Variants in ESCO1 observed in about 807,000 individuals in gnomAD.
ESCO1 encodes N-acetyltransferase ESCO1.
Under a neutral mutation model 83.5 loss-of-function variants are expected in ESCO1, and 33 were observed. That is an observed-to-expected ratio of 0.40 (90% CI 0.30 to 0.53). The LOEUF (loss-of-function observed/expected upper bound fraction) is 0.53, where lower values mean the gene tolerates loss of function less well. ESCO1 is among the 20% of genes least tolerant of loss of function. ESCO1 has a pLI of 0.63. For synonymous variants in ESCO1, 332 were observed against 324.3 expected, an observed-to-expected ratio of 1.02 and a Z score of -0.25; for missense variants, 855 against 968.0, an observed-to-expected ratio of 0.88 and a Z score of 1.55.
At chr18:21,564,175 C>G (rs1291983179) in intron 7 of ESCO1, 28 bp downstream of exon 7, 5 of 1,392,230 alleles carry the variant, frequency 3.6e-6, no homozygotes, top group Non-Finnish European at 4.0e-6. Context: ...AACAACAATT[C>G]ACCAAAATGG....
chr18:21,558,697 A>C (rs1347244337), intron 8 of ESCO1, among the ~76,000 whole-genome samples: 1 of 148,286 alleles, frequency 6.7e-6, no homozygotes, highest in Non-Finnish European at 1.5e-5. Flanking sequence ...ACTGCACTCC[A>C]GCCTGGGTGA....
intron 2 of ESCO1, among the ~76,000 whole-genome samples, chr18:21,578,615 G>A (rs892156609): frequency 6.6e-6 from 1 of 152,092 alleles, no homozygotes; most frequent in African/African-American, 2.4e-5. Flanking sequence ...GCTACTCTGG[G>A]AAGCTGAGGC....
chr18:21,570,774 C>T (rs1215745857), intron 4 of ESCO1, among the ~76,000 whole-genome samples: 2 of 151,984 alleles, frequency 1.3e-5, no homozygotes, highest in Non-Finnish European at 2.9e-5. Context: ...GTCAGGAGAT[C>T]GAGACCATCC....
At chr18:21,557,257 C>T (rs1387032070) in intron 8 of ESCO1, among the ~76,000 whole-genome samples, 1 of 152,138 alleles carries the variant, frequency 6.6e-6, no homozygotes, top group African/African-American at 2.4e-5. Context: ...CAAAGTATCA[C>T]AATTTGACTT....
At chr18:21,579,752 G>A (rs2038467573) in intron 2 of ESCO1, among the ~76,000 whole-genome samples, 1 of 147,222 alleles carries the variant, frequency 6.8e-6, no homozygotes, top group African/African-American at 2.5e-5. Flanking sequence ...CTCCAGCCTG[G>A]GCAACAGAGC....
In ESCO1 at chr18:21,532,494, G is replaced by A; in HGVS notation, c.2354C>T (p.Ser785Phe). ...FSMMRRKKIA[S>F]RMIECLRSNF... The stretch of plus-strand genomic sequence containing the variant: ...TTACCTTAGGCATTCAATCATGCGA[G>A]AAGCAATTTTCTTCCGACGCATCAT... Residue 785 changes from serine to phenylalanine, a missense_variant, in exon 11 of 12, where the codon TCT becomes TTT. Ser to Phe is a radical substitution (Grantham distance 155). Transcript: ENST00000269214. 1 of 1,612,752 alleles carries A rather than the reference G, an allele frequency of 6.2e-7. No individual in the cohort carries two copies. Among genetic ancestry groups the A allele is most frequent in the Non-Finnish European group, 8.5e-7 (1 of 1,179,010 alleles).
chr18:21,584,102 A>G (rs1487344422), intron 2 of ESCO1, among the ~76,000 whole-genome samples: 2 of 152,218 alleles, frequency 1.3e-5, no homozygotes, highest in Admixed American at 6.5e-5. Flanking sequence ...GATGATTTCT[A>G]AACAAGAGAA....
chr18:21,544,070 G>A lies in ESCO1; in HGVS notation c.1954-4061C>T, dbSNP rs925471485. Reference sequence around the variant, plus strand: ...AGGCGGATCACAAGGTCAGGAGATCGAGACCATCCTGGCTAACACGGTGAA... The same window carrying A: ...AGGCGGATCACAAGGTCAGGAGATCAAGACCATCCTGGCTAACACGGTGAA... On this transcript the variant is annotated intron_variant, in intron 8 of 11. Coordinates refer to ENST00000269214, the MANE Select transcript of ESCO1 (RefSeq NM_052911.3). 2.0e-5 allele frequency among the ~76,000 whole-genome samples: 3 copies of A among 151,688 alleles called. 1 individual carries two copies. Among genetic ancestry groups the A allele is most frequent in the Middle Eastern group, 6.9e-3 (2 of 290 alleles).
intron 3 of ESCO1, 89 bp from the exon 4 acceptor site, chr18:21,575,519 G>A (rs927077776): frequency 1.8e-5 from 7 of 397,982 alleles, no homozygotes; most frequent in Admixed American, 1.3e-4. Flanking sequence ...TTGATTTAAG[G>A]AAAATCTAAC....
In ESCO1 at chr18:21,567,970, A is replaced by G. The variant is rs1430599168; in HGVS notation, c.1645+10T>C. The G allele has an allele frequency of 6.3e-7, 1 of 1,591,762 alleles. No individual in the cohort carries two copies. Among genetic ancestry groups the G allele is most frequent in the Admixed American group, 1.7e-5 (1 of 58,128 alleles). On this transcript the variant is annotated intron_variant, in intron 5 of 11. Coordinates refer to ENST00000269214, the MANE Select transcript of ESCO1 (RefSeq NM_052911.3). ...ACTATGAAATCCAAATAATATTTCCAAAGTATTACCTGGAAATTTATTCTC... is the reference window on the plus strand; with the variant it reads ...ACTATGAAATCCAAATAATATTTCCGAAGTATTACCTGGAAATTTATTCTC...
intron 2 of ESCO1, among the ~76,000 whole-genome samples, chr18:21,581,264 T>A (rs978299324): frequency 2.7e-5 from 4 of 150,698 alleles, no homozygotes; most frequent in Non-Finnish European, 4.4e-5. Context: ...GAGCTTGCAG[T>A]GAGCCGAGAC....
chr18:21,545,468 G>C (rs918532650), intron 8 of ESCO1, among the ~76,000 whole-genome samples: 1 of 151,400 alleles, frequency 6.6e-6, no homozygotes, highest in African/African-American at 2.4e-5. Context: ...AGCTACTCAG[G>C]AGGCTGAGGC....
chr18:21,570,941 A>G (rs1281790405), intron 4 of ESCO1, among the ~76,000 whole-genome samples: 2 of 149,534 alleles, frequency 1.3e-5, no homozygotes, highest in Admixed American at 6.7e-5. Context: ...GCACCACTGC[A>G]CTCCAGCCGG....
Position 21,530,227 on chromosome 18 carries a change from G to T in ESCO1, c.*116C>A. The T allele has an allele frequency of 1.3e-6, 1 of 797,250 alleles. No individual in the cohort carries two copies. The highest frequency in any genetic ancestry group is 1.8e-6 in the Non-Finnish European group (1 of 548,338). The allele number at this position is 797,250 out of a possible 1,614,324, so 49.4% of individuals were successfully genotyped here. On this transcript the variant is annotated 3_prime_UTR_variant, in exon 12 of 12. Coordinates refer to ENST00000269214, the MANE Select transcript of ESCO1 (RefSeq NM_052911.3). ...TTTATGAAAATGGAACAACCATATGGTTGTTGCCAGTCCTGAGTTCATTGT... is the reference window on the plus strand; with the variant it reads ...TTTATGAAAATGGAACAACCATATGTTTGTTGCCAGTCCTGAGTTCATTGT...
intron 8 of ESCO1, among the ~76,000 whole-genome samples, chr18:21,547,288 TAAGA>T (rs1197316838): frequency 1.3e-5 from 2 of 151,580 alleles, no homozygotes; most frequent in Non-Finnish European, 2.9e-5. Flanking sequence ...AATAAATGTT[TAAGA>T]AATAAATAAG....
chr18:21,566,340 ATAAAAT>A, intron 5 of ESCO1, 134 bp from the exon 6 acceptor site: 1 of 754,404 alleles, frequency 1.3e-6, no homozygotes. Context: ...AGACCATCTG[ATAAAAT>A]TAGAACCTTC....
chr18:21,560,907 T>C lies in ESCO1; in HGVS notation c.1905A>G (p.Thr635=), dbSNP rs1428680292. Residue 635 remains threonine (T), a synonymous_variant, in exon 8 of 12, where the codon ACA becomes ACG. Coordinates refer to ENST00000269214, the MANE Select transcript of ESCO1 (RefSeq NM_052911.3). ...LYTASNPEDE[T]QHLLFHNQFI... ...ACTGGTTGTGGAAAAGCAGATGCTG[T>C]GTTTCATCTTCTGGATTTGAAGCTG... The C allele has an allele frequency of 1.9e-6, 3 of 1,603,572 alleles. No individual in the cohort carries two copies. The highest frequency in any genetic ancestry group is 2.5e-6 in the Non-Finnish European group (3 of 1,176,516).
Position 21,551,193 on chromosome 18 carries a change from G to A in ESCO1, c.1953+9666C>T, listed in dbSNP as rs139720482. ...TGTATAGAAACACAATGTCCAGGCC[G>A]GGCGCAGTGGCTCATGCCTGTAATC... is the stretch of plus-strand genomic sequence containing the variant. On this transcript the variant is annotated intron_variant, in intron 8 of 11. Coordinates refer to ENST00000269214, the MANE Select transcript of ESCO1 (RefSeq NM_052911.3). 9.6e-3 allele frequency among the ~76,000 whole-genome samples: 1,459 copies of A among 151,598 alleles called. 24 individuals are homozygous for A. The highest frequency in any genetic ancestry group is 0.033 in the African/African-American group (1,372 of 41,282).
In ESCO1 at chr18:21,574,576, C is replaced by T; in HGVS notation, c.268G>A (p.Val90Met). 6.2e-7 allele frequency: 1 copy of T among 1,614,058 alleles called. No homozygotes were observed. The highest frequency in any genetic ancestry group is 8.5e-7 in the Non-Finnish European group (1 of 1,179,994). ...TKSINKNTVTVRGYSQESTKK... is the reference protein window; with the variant it reads ...TKSINKNTVTMRGYSQESTKK... ...GTAGATTCTTGTGAATATCCCCTCA[C>T]AGTCACCGTATTTTTATTAATGGAT... The change falls in exon 4 of 12, where the codon GTG becomes ATG. Residue 90 changes from valine to methionine, a missense_variant. Coordinates refer to ENST00000269214, the MANE Select transcript of ESCO1 (RefSeq NM_052911.3).
Sources: allele counts gnomAD v4.1 joint callset (sites outside exome capture counted in the v4.1 genomes callset), GRCh38; gene constraint gnomAD v4.1.1; transcripts MANE v1.5; gene names NCBI Gene and HGNC (gene_info 2026-07-23, HGNC 2026-07-21).